The following EYS variants were observed in gnomAD, a reference collection of about 807,000 sequenced individuals.
The protein encoded by EYS is protein eyes shut homolog.
EYS carries 250 observed loss-of-function variants against 282.1 expected under a neutral mutation model. That is an observed-to-expected ratio of 0.89 (90% CI 0.80 to 0.98). The LOEUF is 0.98. EYS is among the 50% of genes least tolerant of loss of function. The pLI is 0.00. For missense variants in EYS, 4,016 were observed against 3,709.0 expected (o/e 1.08, Z -2.15); for synonymous variants, 1,355 against 1,282.9 (o/e 1.06, Z -1.20).
intron 12 of EYS, among the ~76,000 whole-genome samples, chr6:65,151,404 G>C (rs1016489374): frequency 1.3e-5 from 2 of 151,968 alleles, no homozygotes; most frequent in Non-Finnish European, 2.9e-5. Context: ...AACTCAACCT[G>C]TAGGAAGCTT....
intron 5 of EYS, among the ~76,000 whole-genome samples, chr6:65,447,395 T>C (rs9453302): frequency 0.099 from 14,338 of 144,802 alleles, 1,098 homozygotes; most frequent in African/African-American, 0.2. Flanking sequence ...TAATTATATA[T>C]ATAATTAGAA....
intron 29 of EYS, among the ~76,000 whole-genome samples, chr6:64,342,239 G>C (rs2150397329): frequency 6.6e-6 from 1 of 151,574 alleles, no homozygotes; most frequent in Non-Finnish European, 1.5e-5. Flanking sequence ...TAAAAATATA[G>C]TAATTTGGGC....
intron 34 of EYS, among the ~76,000 whole-genome samples, chr6:63,991,255 G>T (rs1048594765): frequency 6.6e-6 from 1 of 151,646 alleles, no homozygotes; most frequent in Non-Finnish European, 1.5e-5. Context: ...TGTACAAAAA[G>T]CCAGTCCAAA....
At chr6:64,410,576 C>A (rs1742919085) in intron 28 of EYS, among the ~76,000 whole-genome samples, 1 of 152,118 alleles carries the variant, frequency 6.6e-6, no homozygotes, top group Non-Finnish European at 1.5e-5. Flanking sequence ...AAATGCCATT[C>A]TATCTTTCTT....
intron 30 of EYS, among the ~76,000 whole-genome samples, chr6:64,258,384 C>T (rs531762641): frequency 6.6e-6 from 1 of 151,918 alleles, no homozygotes; most frequent in Non-Finnish European, 1.5e-5. Context: ...TAAAATAAAT[C>T]GGTTGCTAAT....
intron 22 of EYS, among the ~76,000 whole-genome samples, chr6:64,711,678 A>G (rs1484531223): frequency 6.6e-6 from 1 of 152,228 alleles, no homozygotes; most frequent in Non-Finnish European, 1.5e-5. Context: ...TTAATGAGAA[A>G]GATTTTCAGA....
chr6:64,196,885 A>T (rs1162960453), intron 31 of EYS, among the ~76,000 whole-genome samples: 1 of 151,898 alleles, frequency 6.6e-6, no homozygotes, highest in Non-Finnish European at 1.5e-5. Context: ...CCTAAAACTT[A>T]AAGTATAATA....
chr6:64,440,852 G>T (rs1352808149), intron 26 of EYS, among the ~76,000 whole-genome samples: 1 of 151,962 alleles, frequency 6.6e-6, no homozygotes, highest in East Asian at 1.9e-4. Context: ...TCTTCAAAAA[G>T]TTCACATAAA....
intron 37 of EYS, among the ~76,000 whole-genome samples, chr6:63,791,364 G>A (rs1770506176): frequency 6.6e-6 from 1 of 152,126 alleles, no homozygotes; most frequent in Non-Finnish European, 1.5e-5. Context: ...AGGAGATCAA[G>A]ACCATCCTGG....
Position 64,439,144 on chromosome 6 carries a change from A to G in EYS, c.5835+18T>C. The G allele has an allele frequency of 7.6e-7, 1 of 1,322,352 alleles. No homozygotes were observed. The highest frequency in any genetic ancestry group is 1.0e-6 in the Non-Finnish European group (1 of 992,926). 81.9% of individuals were successfully genotyped at this position (1,322,352 alleles called of 1,614,324 possible). On this transcript the variant is annotated intron_variant, in intron 27 of 42. Transcript: ENST00000503581. ...AACTTTGTAATTTTTAAAAAATTAA[A>G]TGAACTGAATAACTTACCTTTAAAG...
At chr6:64,704,444 T>C (rs968107210) in intron 22 of EYS, among the ~76,000 whole-genome samples, 2 of 125,764 alleles carry the variant, frequency 1.6e-5, no homozygotes, top group African/African-American at 6.0e-5. Flanking sequence ...ATATAATCTA[T>C]ATTATAATAT....
At chr6:63,880,485 C>CTA (rs756807407) in intron 35 of EYS, among the ~76,000 whole-genome samples, 7,010 of 105,276 alleles carry the variant, frequency 0.067, 192 homozygotes, top group South Asian at 0.073. Context: ...GTCTGTCTGT[C>CTA]TGTATCTATC....
chr6:65,497,307 T>A (rs891291807), intron 2 of EYS, among the ~76,000 whole-genome samples: 1 of 151,994 alleles, frequency 6.6e-6, no homozygotes, highest in Non-Finnish European at 1.5e-5. Context: ...CAAATTGCTA[T>A]CAACAAAATA....
chr6:63,917,578 A>T (rs1764457904), intron 35 of EYS, among the ~76,000 whole-genome samples: 1 of 152,232 alleles, frequency 6.6e-6, no homozygotes, highest in Non-Finnish European at 1.5e-5. Flanking sequence ...TGCATAACTT[A>T]TGAACACTGG....
At chr6:64,497,009 A>T (rs1776909943) in intron 26 of EYS, among the ~76,000 whole-genome samples, 1 of 152,108 alleles carries the variant, frequency 6.6e-6, no homozygotes, top group African/African-American at 2.4e-5. Flanking sequence ...TGATTTTATC[A>T]TTCTTCTTCA....
intron 31 of EYS, among the ~76,000 whole-genome samples, chr6:64,132,309 G>A (rs557473396): frequency 5.3e-5 from 8 of 151,992 alleles, no homozygotes; most frequent in Non-Finnish European, 1.0e-4. Context: ...TGAGTTATTA[G>A]TTATCTTGGT....
intron 5 of EYS, among the ~76,000 whole-genome samples, chr6:65,440,845 G>GTA (rs137877406): frequency 0.055 from 7,773 of 141,952 alleles, 478 homozygotes; most frequent in African/African-American, 0.15. Flanking sequence ...AAAAATATGT[G>GTA]TATATATATA....
chr6:63,993,866 G>C (rs1200944068), intron 34 of EYS, among the ~76,000 whole-genome samples: 1 of 151,794 alleles, frequency 6.6e-6, no homozygotes, highest in South Asian at 2.1e-4. Context: ...ATACAAAATG[G>C]GAGAGGTTCC....
intron 31 of EYS, among the ~76,000 whole-genome samples, chr6:64,122,750 G>T (rs888776930): frequency 5.9e-5 from 9 of 151,918 alleles, no homozygotes; most frequent in African/African-American, 1.7e-4. Context: ...GAATATTTAA[G>T]ATACTGTAAA....
Sources: gnomAD v4.1 joint callset for allele counts (sites outside exome capture counted in the v4.1 genomes callset) on GRCh38, gnomAD v4.1.1 for gene constraint, MANE v1.5 for transcripts, NCBI Gene and HGNC (gene_info 2026-07-23, HGNC 2026-07-21) for gene names.